The following FAM227B variants were observed in gnomAD, a reference collection of about 807,000 sequenced individuals.
FAM227B encodes the protein protein FAM227B.
FAM227B carries 88 observed loss-of-function variants against 73.8 expected under a neutral mutation model. The ratio of observed to expected loss-of-function variants is 1.19; its 90% CI spans 1.00 to 1.42. The LOEUF (loss-of-function observed/expected upper bound fraction) is 1.42. Among genes scored for constraint, FAM227B ranks in the 40% most tolerant of loss-of-function variants. FAM227B has a pLI of 0.00. For synonymous variants in FAM227B, 210 were observed against 190.5 expected, an observed-to-expected ratio of 1.10 and a Z score of -0.84; for missense variants, 632 against 590.9, an observed-to-expected ratio of 1.07 and a Z score of -0.72.
intron 11 of FAM227B, among the ~76,000 whole-genome samples, chr15:49,458,878 G>T (rs1430975446): frequency 6.6e-6 from 1 of 151,996 alleles, no homozygotes; most frequent in Admixed American, 6.6e-5. Context: ...TTTCTAGACT[G>T]ACCAACATCT....
At chr15:49,365,398 C>A in intron 13 of FAM227B, 1 of 1,121,986 alleles carries the variant, frequency 8.9e-7, no homozygotes, top group South Asian at 1.3e-5. Flanking sequence ...AAGAACCAGT[C>A]TAAACATCAA....
intron 2 of FAM227B, among the ~76,000 whole-genome samples, chr15:49,612,277 G>A (rs1038337936): frequency 2.1e-4 from 32 of 152,048 alleles, no homozygotes; most frequent in African/African-American, 7.7e-4. Flanking sequence ...AGTGTGTGAT[G>A]TTCCCCTTCC....
In FAM227B at chr15:49,568,287, A is replaced by G. The variant is rs2074820338; in HGVS notation, c.705T>C (p.Leu235=). ...TTCGACTTAGAGGTATGCTCATGAA[A>G]AGTGTCACATAACTTTCTGAAATTC... ...FDRISESYVT[L]FMSIPLSRKD... Residue 235 remains leucine, a synonymous_variant, in exon 9 of 16, where the codon CTT becomes CTC. Transcript: ENST00000299338. The G allele has an allele frequency of 1.9e-6, 3 of 1,610,670 alleles. No homozygotes were observed. Among genetic ancestry groups the G allele is most frequent in the Admixed American group, 3.4e-5 (2 of 59,466 alleles).
At position 49,542,624 on chromosome 15, in the gene FAM227B, A is replaced by G. The variant is rs187299227; in HGVS notation, c.748-818T>C. 2.0e-3 allele frequency among the ~76,000 whole-genome samples: 300 copies of G among 151,992 alleles called. 1 individual carries two copies. Among genetic ancestry groups the G allele is most frequent in the African/African-American group, 6.9e-3 (287 of 41,502 alleles). ...CCATTCTTGAGTTACTCCACTTAGA[A>G]TAATTGTCTGCAGCTCCATCCAGGT... On this transcript the variant is annotated intron_variant, in intron 9 of 15. Coordinates refer to ENST00000299338, the MANE Select transcript of FAM227B (RefSeq NM_152647.3).
intron 11 of FAM227B, among the ~76,000 whole-genome samples, chr15:49,389,921 G>A (rs1446518593): frequency 6.6e-6 from 1 of 151,966 alleles, no homozygotes; most frequent in African/African-American, 2.4e-5. Flanking sequence ...CAATGTCATA[G>A]ACTCAGTTCT....
At chr15:49,479,755 A>G (rs1456459549) in intron 11 of FAM227B, among the ~76,000 whole-genome samples, 1 of 151,952 alleles carries the variant, frequency 6.6e-6, no homozygotes, top group East Asian at 1.9e-4. Context: ...CTGGGATTAC[A>G]GACACCCACC....
chr15:49,357,581 T>C (rs1031108331), intron 13 of FAM227B, among the ~76,000 whole-genome samples: 1 of 151,264 alleles, frequency 6.6e-6, no homozygotes, highest in Non-Finnish European at 1.5e-5. Flanking sequence ...GGAGCTGAAA[T>C]TGTGGCAATA....
chr15:49,558,533 C>T (rs987657252), intron 9 of FAM227B, among the ~76,000 whole-genome samples: 1 of 152,178 alleles, frequency 6.6e-6, no homozygotes, highest in African/African-American at 2.4e-5. Flanking sequence ...CTGCAGTCCA[C>T]AGCCATTCTG....
chr15:49,619,926 A>C (rs1390727244), intron 1 of FAM227B, among the ~76,000 whole-genome samples: 2 of 152,218 alleles, frequency 1.3e-5, no homozygotes, highest in Non-Finnish European at 2.9e-5. Flanking sequence ...ATATACAATT[A>C]AAAGCTCCAT....
intron 9 of FAM227B, among the ~76,000 whole-genome samples, chr15:49,550,562 A>G (rs1162150343): frequency 1.4e-5 from 2 of 146,798 alleles, no homozygotes; most frequent in South Asian, 2.2e-4. Flanking sequence ...CTCACTTCTC[A>G]GACGGGGCGG....
At chr15:49,549,302 C>CA (rs78856399) in intron 9 of FAM227B, among the ~76,000 whole-genome samples, 1 of 150,612 alleles carries the variant, frequency 6.6e-6, no homozygotes, top group Admixed American at 6.6e-5. Flanking sequence ...ATTTTCTTCT[C>CA]TTATTGATTT....
intron 3 of FAM227B, among the ~76,000 whole-genome samples, chr15:49,591,032 T>G (rs1203733442): frequency 4.2e-5 from 6 of 142,598 alleles, no homozygotes; most frequent in Non-Finnish European, 9.1e-5. Flanking sequence ...TTTTTTTGTT[T>G]TTTTTTTTTT....
chr15:49,422,712 A>G, intron 11 of FAM227B: 1 of 1,270,860 alleles, frequency 7.9e-7, no homozygotes, highest in Non-Finnish European at 1.1e-6. Flanking sequence ...TCTCACTTTC[A>G]GCCTAGGAAT....
At chr15:49,473,452 C>G (rs1049631906) in intron 11 of FAM227B, among the ~76,000 whole-genome samples, 2 of 152,056 alleles carry the variant, frequency 1.3e-5, no homozygotes, top group African/African-American at 4.8e-5. Flanking sequence ...TTACAGTTAA[C>G]TTTTAGATAA....
At chr15:49,531,346 T>C (rs2060596261) in intron 10 of FAM227B, among the ~76,000 whole-genome samples, 1 of 151,802 alleles carries the variant, frequency 6.6e-6, no homozygotes, top group Non-Finnish European at 1.5e-5. Flanking sequence ...ATATTAGATT[T>C]CAATAAAATA....
intron 11 of FAM227B, among the ~76,000 whole-genome samples, chr15:49,381,729 C>G (rs1596725552): frequency 3.9e-5 from 6 of 152,170 alleles, no homozygotes; most frequent in Admixed American, 3.9e-4. Context: ...ATGAGGAAGA[C>G]AACACTAATT....
chr15:49,535,587 G>A (rs749152158), intron 10 of FAM227B, among the ~76,000 whole-genome samples: 16 of 151,826 alleles, frequency 1.1e-4, no homozygotes, highest in Middle Eastern at 3.4e-3. Context: ...CATCACCTTC[G>A]TACTGAAACC....
intron 11 of FAM227B, among the ~76,000 whole-genome samples, chr15:49,453,858 AT>A (rs1316195912): frequency 6.6e-6 from 1 of 151,970 alleles, no homozygotes; most frequent in Non-Finnish European, 1.5e-5. Flanking sequence ...TACCTTATAC[AT>A]TTTACATAAG....
At chr15:49,386,031 T>C (rs769552056) in intron 11 of FAM227B, among the ~76,000 whole-genome samples, 2 of 151,850 alleles carry the variant, frequency 1.3e-5, no homozygotes, top group Non-Finnish European at 2.9e-5. Context: ...GAAATGAGAT[T>C]GACAGCAAAA....
Sources: allele counts gnomAD v4.1 joint callset (sites outside exome capture counted in the v4.1 genomes callset), GRCh38; gene constraint gnomAD v4.1.1; transcripts MANE v1.5; gene names NCBI Gene and HGNC (gene_info 2026-07-23, HGNC 2026-07-21).